CAMK4: variants seen among roughly 807,000 people sequenced by gnomAD.
CAMK4 encodes the protein calcium/calmodulin-dependent protein kinase type IV.
Under a neutral mutation model 44.9 loss-of-function variants are expected in CAMK4, and 22 were observed. The observed-to-expected ratio is 0.49, with a 90% CI of 0.35 to 0.70. The LOEUF (loss-of-function observed/expected upper bound fraction) is 0.70. CAMK4 is among the 30% of genes least tolerant of loss of function. The pLI is 0.01. For synonymous variants in CAMK4, 218 were observed against 215.4 expected, an observed-to-expected ratio of 1.01 and a Z score of -0.11; for missense variants, 498 against 586.8, an observed-to-expected ratio of 0.85 and a Z score of 1.56.
chr5:111,394,630 A>G, intron 4 of CAMK4, 80 bp from the exon 5 acceptor site: 2 of 919,308 alleles, frequency 2.2e-6, no homozygotes, highest in Non-Finnish European at 3.5e-6. Flanking sequence ...CATCTTTAAC[A>G]TTAATTTACT....
intron 5 of CAMK4, among the ~76,000 whole-genome samples, chr5:111,416,257 AAC>A (rs148457400): frequency 7.3e-5 from 11 of 150,736 alleles, no homozygotes; most frequent in South Asian, 2.1e-4. Context: ...CACATATATA[AAC>A]ACACACACAC....
chr5:111,383,249 T>C (rs1465089463), intron 4 of CAMK4, among the ~76,000 whole-genome samples: 1 of 152,142 alleles, frequency 6.6e-6, no homozygotes, highest in Non-Finnish European at 1.5e-5. Flanking sequence ...GATAAACGGA[T>C]TTGGTTTTTA....
chr5:111,248,420 G>C (rs982271272), intron 1 of CAMK4, among the ~76,000 whole-genome samples: 1 of 151,972 alleles, frequency 6.6e-6, no homozygotes, highest in Non-Finnish European at 1.5e-5. Context: ...TCTATGTCCT[G>C]GGCATGATAA....
intron 1 of CAMK4, among the ~76,000 whole-genome samples, chr5:111,283,705 C>A (rs1348157968): frequency 6.6e-6 from 1 of 152,148 alleles, no homozygotes; most frequent in African/African-American, 2.4e-5. Context: ...TCAACAATAA[C>A]CTTTTTTTTC....
At position 111,328,178 on chromosome 5, in the gene CAMK4, A is replaced by G. The variant is rs375326315; in HGVS notation, c.162-15846A>G. ...TTAAGTCTTTAATCCATCTTGAATT[A>G]ATTTTTGTATAAGGTGTAAGGAAGG... On this transcript the variant is annotated intron_variant, in intron 1 of 10. Transcript: ENST00000282356. Among the ~76,000 whole-genome samples, 17 of 148,880 alleles carry G rather than the reference A, an allele frequency of 1.1e-4. 1 individual carries two copies. The East Asian group carries it at 1.4e-3, about 12-fold the overall frequency.
chr5:111,329,405 G>A (rs1166431210), intron 1 of CAMK4, among the ~76,000 whole-genome samples: 1 of 151,784 alleles, frequency 6.6e-6, no homozygotes, highest in African/African-American at 2.4e-5. Context: ...AGGAAATAAA[G>A]AGTATTCAAT....
At chr5:111,345,897 T>C (rs1318411788) in intron 2 of CAMK4, among the ~76,000 whole-genome samples, 1 of 151,956 alleles carries the variant, frequency 6.6e-6, no homozygotes, top group Non-Finnish European at 1.5e-5. Context: ...GAGAATGAAG[T>C]GTCAGATGGA....
intron 1 of CAMK4, chr5:111,277,636 T>G (rs1239079999): frequency 6.6e-6 from 1 of 152,216 alleles, no homozygotes; most frequent in Non-Finnish European, 1.5e-5. Flanking sequence ...TTTTAGATGT[T>G]AAAAAATAAA....
chr5:111,345,557 G>T lies in CAMK4; in HGVS notation c.240+1455G>T, dbSNP rs77087364. 5.5e-3 allele frequency among the ~76,000 whole-genome samples: 842 copies of T among 151,928 alleles called. 9 individuals carry two copies. Among genetic ancestry groups the T allele is most frequent in the African/African-American group, 0.019 (779 of 41,468 alleles). On this transcript the variant is annotated intron_variant, in intron 2 of 10. Transcript: ENST00000282356. ...GGACTTGTTTGTACGATTTCTTATT[G>T]GTTAAAAAACTGTCAGTAAAATTTG... is the stretch of plus-strand genomic sequence containing the variant.
intron 5 of CAMK4, among the ~76,000 whole-genome samples, chr5:111,422,526 T>C (rs1249172104): frequency 6.6e-6 from 1 of 152,218 alleles, no homozygotes; most frequent in Admixed American, 6.5e-5. Context: ...TCTGAGTCTT[T>C]TAAGTCTCAT....
At chr5:111,477,191 G>C (rs571632409) in intron 8 of CAMK4, among the ~76,000 whole-genome samples, 1 of 152,190 alleles carries the variant, frequency 6.6e-6, no homozygotes, top group Non-Finnish European at 1.5e-5. Flanking sequence ...CTGCTCAGTA[G>C]GGAAAGGGAG....
At chr5:111,236,490 C>T (rs867381881) in intron 1 of CAMK4, among the ~76,000 whole-genome samples, 2 of 152,378 alleles carry the variant, frequency 1.3e-5, no homozygotes, top group Non-Finnish European at 1.5e-5. Flanking sequence ...GCTCACACAG[C>T]CAGGTGGAGA....
chr5:111,458,882 A>G (rs1014692791), intron 7 of CAMK4, among the ~76,000 whole-genome samples: 61 of 152,266 alleles, frequency 4.0e-4, no homozygotes, highest in African/African-American at 1.3e-3. Flanking sequence ...TGCAGTGACA[A>G]GGGCAGAAAA....
intron 1 of CAMK4, among the ~76,000 whole-genome samples, chr5:111,276,492 T>C (rs1750766682): frequency 6.6e-6 from 1 of 152,234 alleles, no homozygotes; most frequent in Admixed American, 6.5e-5. Context: ...CTGGGGAGGC[T>C]GAGTCCAGCA....
At position 111,484,966 on chromosome 5, in the gene CAMK4, G is replaced by C. The variant is rs1755563059; in HGVS notation, c.*500G>C. ...TACAAGGAGATGCTTATAGATGATA[G>C]TTGTACATATGTGCAAAAAAAAATC... On this transcript the variant is annotated 3_prime_UTR_variant, in exon 11 of 11. Coordinates refer to ENST00000282356, the MANE Select transcript of CAMK4 (RefSeq NM_001744.6). This position sits in a 1 kb window ranked among gnomAD's most constrained non-coding sequence, Gnocchi z 5.3. The C allele has an allele frequency of 6.6e-6, 1 of 152,138 alleles. No homozygotes were observed. Among genetic ancestry groups the C allele is most frequent in the African/African-American group, 2.4e-5 (1 of 41,400 alleles). 9.4% of individuals were successfully genotyped at this position (152,138 alleles called of 1,614,324 possible). A position where few individuals can be genotyped will look rare whatever the true frequency, so the allele number is the denominator to read the frequency against.
At position 111,492,902 on chromosome 5, in the gene CAMK4, T is replaced by C. The variant is rs17458768; in HGVS notation, c.*8436T>C. 4,729 of 152,342 alleles carry C rather than the reference T, an allele frequency of 0.031. 97 individuals carry two copies. The highest frequency in any genetic ancestry group is 0.048 in the Non-Finnish European group (3,278 of 68,094). The allele number at this position is 152,342 out of a possible 1,614,324, so 9.4% of individuals were successfully genotyped here. On this transcript the variant is annotated 3_prime_UTR_variant, in exon 11 of 11. Transcript: ENST00000282356. ...ATGGAAAGAGGGAAAAGCTCCCTTT[T>C]GCCAGGAATGATGAAGGAAAGCTTT...
intron 5 of CAMK4, among the ~76,000 whole-genome samples, chr5:111,397,245 C>T (rs956976856): frequency 1.1e-4 from 17 of 152,250 alleles, no homozygotes; most frequent in African/African-American, 3.4e-4. Flanking sequence ...ATCTTTGAGC[C>T]TCAATTTAGT....
chr5:111,249,425 A>G (rs1749380743), intron 1 of CAMK4, among the ~76,000 whole-genome samples: 3 of 151,196 alleles, frequency 2.0e-5, no homozygotes, highest in African/African-American at 7.3e-5. Flanking sequence ...TATGTATAAT[A>G]TAGTATTTGA....
intron 1 of CAMK4, among the ~76,000 whole-genome samples, chr5:111,257,678 T>C (rs1292742719): frequency 6.6e-6 from 1 of 152,168 alleles, no homozygotes; most frequent in Non-Finnish European, 1.5e-5. Flanking sequence ...ATCATTCTGT[T>C]AGAAAGATAC....
Sources: allele counts gnomAD v4.1 joint callset (sites outside exome capture counted in the v4.1 genomes callset), GRCh38; gene constraint gnomAD v4.1.1; non-coding constraint Gnocchi (gnomAD v3.1); transcripts MANE v1.5; gene names NCBI Gene and HGNC (gene_info 2026-07-23, HGNC 2026-07-21).